ATP2C1: variants seen among roughly 807,000 people sequenced by gnomAD.
The protein encoded by ATP2C1 is calcium-transporting ATPase type 2C member 1.
ATP2C1 carries 31 observed loss-of-function variants against 120.5 expected under a neutral mutation model. The observed-to-expected ratio is 0.26, with a 90% CI of 0.19 to 0.35. The LOEUF is 0.35. Among genes scored for constraint, ATP2C1 ranks in the 10% least tolerant of loss-of-function variants. ATP2C1 has a pLI of 1.00. For missense variants in ATP2C1, 731 were observed against 1,107.5 expected (o/e 0.66, Z 4.83); for synonymous variants, 351 against 358.7 (o/e 0.98, Z 0.24).
rs201337484 is a variant in ATP2C1, at chr3:130,970,369, TACACACACACAC to T, written c.1413+1000_1413+1011del. 1.4e-3 allele frequency among the ~76,000 whole-genome samples: 178 copies of T among 130,728 alleles called. 1 individual carries two copies. The highest frequency in any genetic ancestry group is 2.2e-3 in the Non-Finnish European group (138 of 62,894). 85.8% of individuals were successfully genotyped at this position (130,728 alleles called of 152,430 possible). ...GCAACAGCCTGTCTAAAAAAAAAATTACACACACACACACACACACACACACACACACACACA... is the reference window on the plus strand; with the variant it reads ...GCAACAGCCTGTCTAAAAAAAAAATTACACACACACACACACACACACACA... On this transcript the variant is annotated intron_variant, in intron 17 of 27. Coordinates refer to ENST00000510168, the MANE Select transcript of ATP2C1 (RefSeq NM_001378687.1).
At chr3:130,935,851 A>G (rs970752966) in intron 5 of ATP2C1, among the ~76,000 whole-genome samples, 9 of 152,200 alleles carry the variant, frequency 5.9e-5, no homozygotes, top group African/African-American at 1.9e-4. Context: ...AATTTATGTA[A>G]TGAAATGGGA....
At chr3:130,994,189 A>G in intron 22 of ATP2C1, 91 bp downstream of exon 22, 1 of 1,483,708 alleles carries the variant, frequency 6.7e-7, no homozygotes, top group Non-Finnish European at 9.4e-7. Flanking sequence ...GAAAAGAATT[A>G]GTATTTAAAC....
chr3:130,856,457 G>A (rs1043893656), intron 1 of ATP2C1, among the ~76,000 whole-genome samples: 7 of 152,122 alleles, frequency 4.6e-5, no homozygotes, highest in Non-Finnish European at 1.0e-4. Flanking sequence ...AATGATAGAC[G>A]TTTCACTACA....
At chr3:131,005,242 C>T (rs546785279), downstream of ATP2C1, among the ~76,000 whole-genome samples, 9 of 150,818 alleles carry the variant, frequency 6.0e-5, no homozygotes, top group Admixed American at 2.6e-4. Context: ...CAGCCTCCTG[C>T]GTATCTGGGA....
At chr3:130,948,744 G>A (rs2060250603) in intron 8 of ATP2C1, among the ~76,000 whole-genome samples, 1 of 152,066 alleles carries the variant, frequency 6.6e-6, no homozygotes, top group Admixed American at 6.6e-5. Flanking sequence ...CCTGTGTCAG[G>A]CAAGTCTGTT....
chr3:130,894,590 A>G lies in ATP2C1; in HGVS notation c.-180A>G. The G allele has an allele frequency of 6.7e-7, 1 of 1,499,182 alleles. No individual in the cohort carries two copies. The highest frequency in any genetic ancestry group is 2.4e-5 in the Admixed American group (1 of 42,296). The allele number at this position is 1,499,182 out of a possible 1,614,324, so 92.9% of individuals were successfully genotyped here. ...CCGCTTCTCCTGGTTTCTCTTGCAG[A>G]TGCTGCTGCTAGGGGTGGTGGGAGC... On this transcript the variant is annotated splice_region_variant and 5_prime_UTR_variant, in exon 2 of 28. It removes an upstream start codon present in the reference 5' UTR. Transcript: ENST00000510168. This position sits in a 1 kb window ranked among gnomAD's most constrained non-coding sequence, Gnocchi z 4.5.
intron 26 of ATP2C1, among the ~76,000 whole-genome samples, chr3:131,008,186 C>T (rs373143662): frequency 9.9e-5 from 15 of 152,028 alleles, no homozygotes; most frequent in Admixed American, 3.9e-4. Flanking sequence ...ACCCTTAATC[C>T]CAGCACTTTG....
upstream of ATP2C1, chr3:130,893,868 C>A: frequency 1.0e-6 from 1 of 955,458 alleles, no homozygotes. Context: ...TCCTACCGGA[C>A]GGATCCAAAC....
intron 7 of ATP2C1, 28 bp downstream of exon 7, chr3:130,940,719 C>G (rs772474434): frequency 6.4e-7 from 1 of 1,560,106 alleles, no homozygotes; most frequent in Non-Finnish European, 8.8e-7. Flanking sequence ...GTATGGATTT[C>G]TGCCCCTTTA....
intron 2 of ATP2C1, among the ~76,000 whole-genome samples, chr3:130,921,086 T>C (rs1231737433): frequency 1.3e-5 from 2 of 149,074 alleles, no homozygotes; most frequent in South Asian, 2.1e-4. Context: ...TTTCTTTTTT[T>C]TTTTTTTTTT....
At chr3:130,883,377 A>G (rs1162678574) in intron 1 of ATP2C1, among the ~76,000 whole-genome samples, 1 of 150,080 alleles carries the variant, frequency 6.7e-6, no homozygotes, top group Non-Finnish European at 1.5e-5. Flanking sequence ...CTTTTTTCCT[A>G]CTAATTTTGA....
At chr3:130,972,781 A>G (rs1342239648) in intron 17 of ATP2C1, among the ~76,000 whole-genome samples, 1 of 151,800 alleles carries the variant, frequency 6.6e-6, no homozygotes, top group Admixed American at 6.6e-5. Context: ...ATGTCCCTAC[A>G]AAGGACATGA....
At chr3:130,947,065 C>T (rs556234061) in intron 8 of ATP2C1, among the ~76,000 whole-genome samples, 12 of 152,218 alleles carry the variant, frequency 7.9e-5, no homozygotes, top group East Asian at 3.9e-4. Flanking sequence ...CTAGGCAAGC[C>T]GCTTGATTTT....
At chr3:131,003,899 A>G (rs2063001300), downstream of ATP2C1, among the ~76,000 whole-genome samples, 1 of 152,166 alleles carries the variant, frequency 6.6e-6, no homozygotes, top group South Asian at 2.1e-4. Context: ...ATATTTAGGA[A>G]ACTTAATTAA....
upstream of ATP2C1, chr3:130,894,013 C>T (rs1221990378): frequency 4.0e-5 from 39 of 986,428 alleles, no homozygotes; most frequent in Non-Finnish European, 4.5e-5. The surrounding 1 kb of genome is among the most constrained non-coding windows in gnomAD (Gnocchi z 4.5). Flanking sequence ...CGCGGCTGGC[C>T]CAGGAGTGCG....
intron 1 of ATP2C1, among the ~76,000 whole-genome samples, chr3:130,854,924 T>C (rs2067788744): frequency 6.6e-6 from 1 of 152,200 alleles, no homozygotes; most frequent in Admixed American, 6.5e-5. Flanking sequence ...TGTTGCAGAC[T>C]GAATGTGTCC....
At chr3:130,915,775 A>T (rs899991091) in intron 2 of ATP2C1, among the ~76,000 whole-genome samples, 8 of 152,168 alleles carry the variant, frequency 5.3e-5, no homozygotes, top group African/African-American at 1.7e-4. Context: ...TGCCTGCAGA[A>T]ATGTGCTACA....
chr3:130,930,966 T>C (rs1049470517), intron 3 of ATP2C1, among the ~76,000 whole-genome samples: 1 of 152,108 alleles, frequency 6.6e-6, no homozygotes, highest in African/African-American at 2.4e-5. Context: ...AAGTAAAAAC[T>C]TAAGTACAAG....
intron 2 of ATP2C1, among the ~76,000 whole-genome samples, chr3:130,924,287 G>A (rs545044537): frequency 3.6e-4 from 55 of 152,154 alleles, no homozygotes; most frequent in African/African-American, 1.3e-3. Context: ...AATTCTCCCA[G>A]CATTTGTTTG....
Sources: gnomAD v4.1 joint callset for allele counts (sites outside exome capture counted in the v4.1 genomes callset) on GRCh38, gnomAD v4.1.1 for gene constraint, Gnocchi (gnomAD v3.1) non-coding constraint, MANE v1.5 for transcripts, NCBI Gene and HGNC (gene_info 2026-07-23, HGNC 2026-07-21) for gene names.